Variants in DDX10 observed in about 807,000 individuals in gnomAD.
The protein encoded by DDX10 is probable ATP-dependent RNA helicase DDX10.
In DDX10, 74 loss-of-function variants were observed where a neutral mutation model predicts 104.3. The observed-to-expected ratio is 0.71, with a 90% CI of 0.59 to 0.86. The LOEUF (loss-of-function observed/expected upper bound fraction) is 0.86. DDX10 is among the 40% of genes least tolerant of loss of function. The pLI is 0.00. For synonymous variants in DDX10, 351 were observed against 353.4 expected (o/e 0.99, Z 0.08); for missense variants, 952 against 1,040.0 (o/e 0.92, Z 1.16).
At chr11:108,753,918 A>G (rs1426605080) in intron 13 of DDX10, among the ~76,000 whole-genome samples, 1 of 151,996 alleles carries the variant, frequency 6.6e-6, no homozygotes, top group Non-Finnish European at 1.5e-5. Context: ...TGCTGAATAC[A>G]GGGTCGGGTG....
chr11:108,838,600 A>AT (rs756263428), intron 14 of DDX10, 35 bp downstream of exon 14: 4 of 1,585,770 alleles, frequency 2.5e-6, no homozygotes, highest in Non-Finnish European at 2.6e-6. Flanking sequence ...TCTGAGGTGC[A>AT]TTTGGAGTAT....
rs753417891 is a variant in DDX10 at position 108,917,855 on chromosome 11, CTTA to C, written c.2305-9_2305-7del. The C allele has an allele frequency of 6.9e-4, 1,117 of 1,607,432 alleles. No individual in the cohort carries two copies. Among genetic ancestry groups the C allele is most frequent in the Non-Finnish European group, 8.9e-4 (1,048 of 1,178,722 alleles). On this transcript the variant is annotated splice_polypyrimidine_tract_variant and intron_variant, in intron 16 of 17. Coordinates refer to ENST00000322536, the MANE Select transcript of DDX10 (RefSeq NM_004398.4). ...ACTGACTTCTTCAACTGCAGTTTCC[CTTA>C]TTATTATTTTTTAGGCCAAAGATGA...
intron 16 of DDX10, among the ~76,000 whole-genome samples, chr11:108,901,286 A>G (rs1346318765): frequency 6.6e-6 from 1 of 152,184 alleles, no homozygotes; most frequent in Non-Finnish European, 1.5e-5. Flanking sequence ...CACTCAGTAA[A>G]TACTTGTTGC....
intron 16 of DDX10, among the ~76,000 whole-genome samples, chr11:108,895,423 A>G (rs1407704793): frequency 6.6e-6 from 1 of 152,008 alleles, no homozygotes; most frequent in Non-Finnish European, 1.5e-5. Context: ...ATTTCCTAGC[A>G]GGTATTAAGG....
chr11:108,849,311 C>G lies in DDX10; in HGVS notation c.2248-2842C>G, dbSNP rs181379678. Among the ~76,000 whole-genome samples the G allele has an allele frequency of 5.9e-5, 9 of 152,170 alleles. No homozygotes were observed. The East Asian group carries it at 1.5e-3, about 26-fold the overall frequency. On this transcript the variant is annotated intron_variant, in intron 15 of 17. Coordinates refer to ENST00000322536, the MANE Select transcript of DDX10 (RefSeq NM_004398.4). ...CTTCCTTATGTGATAGCTGGGGAGT[C>G]AATTCCTTACCAAACTGACACAGTT...
intron 13 of DDX10, among the ~76,000 whole-genome samples, chr11:108,812,030 C>T (rs1348770736): frequency 1.3e-5 from 2 of 151,730 alleles, no homozygotes; most frequent in African/African-American, 4.8e-5. Flanking sequence ...TTTTTTTATC[C>T]TGGTACAGTT....
At chr11:108,901,954 A>T (rs1314040911) in intron 16 of DDX10, among the ~76,000 whole-genome samples, 1 of 152,240 alleles carries the variant, frequency 6.6e-6, no homozygotes, top group Non-Finnish European at 1.5e-5. Context: ...TTAAGCAGCC[A>T]GTAGAACTTG....
At position 108,770,502 on chromosome 11, in the gene DDX10, C is replaced by T. The variant is rs571228633; in HGVS notation, c.1965+47040C>T. On this transcript the variant is annotated intron_variant, in intron 13 of 17. Transcript: ENST00000322536. ...AACCATCCCCCCTCCCCCCTCCCCC[C>T]TGCACCAACCCCCACTACCCTTCCC... Among the ~76,000 whole-genome samples, 18 of 140,168 alleles carry T rather than the reference C, an allele frequency of 1.3e-4. No individual in the cohort carries two copies. The South Asian group carries it at 4.3e-3, about 34-fold the overall frequency. 92.0% of individuals were successfully genotyped at this position (140,168 alleles called of 152,430 possible).
intron 13 of DDX10, among the ~76,000 whole-genome samples, chr11:108,798,499 T>A (rs748713899): frequency 9.2e-5 from 14 of 152,196 alleles, no homozygotes; most frequent in Non-Finnish European, 1.9e-4. Context: ...GCTTTCTGTT[T>A]CTATGAATTT....
intron 15 of DDX10, among the ~76,000 whole-genome samples, chr11:108,851,237 A>ATC (rs1862788566): frequency 6.6e-6 from 1 of 152,162 alleles, no homozygotes; most frequent in African/African-American, 2.4e-5. Context: ...GGGTGGAAAG[A>ATC]GAAGGGAGAT....
chr11:108,907,821 G>A (rs1450135827), intron 16 of DDX10, among the ~76,000 whole-genome samples: 1 of 152,176 alleles, frequency 6.6e-6, no homozygotes, highest in African/African-American at 2.4e-5. Context: ...ATATAAATCA[G>A]TATTAACGCT....
At chr11:108,902,791 T>C (rs578197768) in intron 16 of DDX10, among the ~76,000 whole-genome samples, 1 of 152,266 alleles carries the variant, frequency 6.6e-6, no homozygotes, top group African/African-American at 2.4e-5. Flanking sequence ...ATTGTGTAAC[T>C]AGATTGACCA....
At chr11:108,687,117 C>T (rs1439157692) in intron 6 of DDX10, among the ~76,000 whole-genome samples, 1 of 152,200 alleles carries the variant, frequency 6.6e-6, no homozygotes, top group Non-Finnish European at 1.5e-5. Flanking sequence ...GACTGCTATA[C>T]TGTCTTCCAA....
intron 16 of DDX10, among the ~76,000 whole-genome samples, chr11:108,904,774 A>G (rs1225470711): frequency 6.6e-6 from 1 of 152,096 alleles, no homozygotes; most frequent in Non-Finnish European, 1.5e-5. Flanking sequence ...AAGATTGAAA[A>G]TGTAGCCATG....
intron 15 of DDX10, among the ~76,000 whole-genome samples, chr11:108,843,630 C>T (rs1862671945): frequency 6.6e-6 from 1 of 151,952 alleles, no homozygotes; most frequent in Admixed American, 6.6e-5. Flanking sequence ...GTGGCACACA[C>T]CTGTAATCCC....
At chr11:108,754,486 A>G (rs944740571) in intron 13 of DDX10, among the ~76,000 whole-genome samples, 1 of 152,034 alleles carries the variant, frequency 6.6e-6, no homozygotes, top group Non-Finnish European at 1.5e-5. Context: ...TTAATCCTTC[A>G]TATTTTTCTG....
At chr11:108,838,235 C>T (rs1408637222) in intron 13 of DDX10, 3 of 377,046 alleles carry the variant, frequency 8.0e-6, no homozygotes, top group Non-Finnish European at 1.4e-5. Context: ...TACTAGCCCT[C>T]CTATTAATGC....
chr11:108,745,572 G>A (rs1290507739), intron 13 of DDX10, among the ~76,000 whole-genome samples: 1 of 152,118 alleles, frequency 6.6e-6, no homozygotes, highest in Non-Finnish European at 1.5e-5. Context: ...ATGTTATCCA[G>A]TGTTACTACT....
intron 1 of DDX10, among the ~76,000 whole-genome samples, chr11:108,669,949 TGC>T (rs1476625799): frequency 2.0e-5 from 3 of 152,234 alleles, no homozygotes; most frequent in African/African-American, 7.2e-5. Flanking sequence ...GCAGCCCTGC[TGC>T]CACCTAGATT....
Sources: allele counts gnomAD v4.1 joint callset (sites outside exome capture counted in the v4.1 genomes callset), GRCh38; gene constraint gnomAD v4.1.1; transcripts MANE v1.5; gene names NCBI Gene and HGNC (gene_info 2026-07-23, HGNC 2026-07-21).